The following TAF3 variants were observed in gnomAD, a reference collection of about 807,000 sequenced individuals.
TAF3 encodes the protein transcription initiation factor TFIID subunit 3.
A neutral mutation model predicts 80.6 loss-of-function variants in TAF3; 7 were observed. That is an observed-to-expected ratio of 0.09 (90% confidence interval 0.05 to 0.16). The LOEUF (loss-of-function observed/expected upper bound fraction) is 0.16. Among genes scored for constraint, TAF3 ranks in the 10% least tolerant of loss-of-function variants. The pLI is 1.00. For synonymous variants in TAF3, 444 were observed against 446.1 expected, an observed-to-expected ratio of 1.00 and a Z score of 0.06; for missense variants, 921 against 1,140.2, an observed-to-expected ratio of 0.81 and a Z score of 2.77.
intron 2 of TAF3, among the ~76,000 whole-genome samples, chr10:7,961,436 G>A (rs372433356): frequency 1.3e-5 from 2 of 152,180 alleles, no homozygotes; most frequent in African/African-American, 4.8e-5. Context: ...CCTCATCCTC[G>A]TTGACCTCTT....
At chr10:7,990,241 G>T (rs573354080) in intron 4 of TAF3, among the ~76,000 whole-genome samples, 1 of 152,130 alleles carries the variant, frequency 6.6e-6, no homozygotes, top group Non-Finnish European at 1.5e-5. Flanking sequence ...ATGCCATTAG[G>T]GTTATTTGTT....
intron 2 of TAF3, among the ~76,000 whole-genome samples, chr10:7,826,849 A>AT (rs902453030): frequency 2.6e-5 from 4 of 151,468 alleles, no homozygotes; most frequent in East Asian, 1.9e-4. Context: ...AATCTGAAAT[A>AT]TTTTTTTTTC....
chr10:7,902,865 C>G (rs957008896), intron 2 of TAF3, among the ~76,000 whole-genome samples: 1 of 151,684 alleles, frequency 6.6e-6, no homozygotes, highest in African/African-American at 2.4e-5. Flanking sequence ...AGAATTGTCT[C>G]TCTTCCACTT....
At chr10:7,899,612 G>A (rs1837539475) in intron 2 of TAF3, among the ~76,000 whole-genome samples, 1 of 152,112 alleles carries the variant, frequency 6.6e-6, no homozygotes. Context: ...TCTGTGCTCA[G>A]GAAGCTTCCA....
intron 2 of TAF3, among the ~76,000 whole-genome samples, chr10:7,935,937 C>T (rs1837915315): frequency 1.3e-5 from 2 of 152,176 alleles, no homozygotes; most frequent in African/African-American, 2.4e-5. Context: ...GGAAGCCCTG[C>T]GTGGAGGAGT....
intron 2 of TAF3, among the ~76,000 whole-genome samples, chr10:7,842,167 TTTTTTTTTG>T (rs1564345324): frequency 1.9e-4 from 18 of 94,478 alleles, no homozygotes; most frequent in Non-Finnish European, 3.4e-4. Context: ...TTTTTTTGTT[TTTTTTTTTG>T]TTTTTTTTTT....
chr10:7,850,261 AGT>A (rs1837014344), intron 2 of TAF3, among the ~76,000 whole-genome samples: 1 of 152,222 alleles, frequency 6.6e-6, no homozygotes, highest in Admixed American at 6.5e-5. Context: ...TGCTTTCATG[AGT>A]GAGAAAATGC....
At chr10:7,978,362 C>G (rs1166498843) in intron 4 of TAF3, among the ~76,000 whole-genome samples, 1 of 152,088 alleles carries the variant, frequency 6.6e-6, no homozygotes, top group African/African-American at 2.4e-5. Flanking sequence ...ACGTGTAGTG[C>G]AAAGAAAAAG....
At chr10:8,012,881 A>G (rs1832068408) in intron 5 of TAF3, among the ~76,000 whole-genome samples, 1 of 152,232 alleles carries the variant, frequency 6.6e-6, no homozygotes, top group South Asian at 2.1e-4. Context: ...ACCGGATGCA[A>G]TAATGTGCTC....
intron 3 of TAF3, among the ~76,000 whole-genome samples, chr10:7,970,473 C>T (rs937284212): frequency 2.0e-5 from 3 of 152,168 alleles, no homozygotes; most frequent in Non-Finnish European, 2.9e-5. Flanking sequence ...CCTGTCTGCC[C>T]GAGGCCTGTG....
rs71505463 is a variant in TAF3 at position 7,838,908 on chromosome 10, GT to G, written c.409+14363del. On this transcript the variant is annotated intron_variant, in intron 2 of 6. Transcript: ENST00000344293. ...GGGAAGTTGTCTGGAGGCATTGCTT[GT>G]TTTTTTTTTTTTTTGGTTTGTTTGT... Among the ~76,000 whole-genome samples, 169 of 101,814 alleles carry G rather than the reference GT, an allele frequency of 1.7e-3. 2 individuals carry two copies. The highest frequency in any genetic ancestry group is 2.1e-3 in the Non-Finnish European group (110 of 51,848). 66.8% of individuals were successfully genotyped at this position (101,814 alleles called of 152,430 possible). A position where few individuals can be genotyped will look rare whatever the true frequency, so the allele number is the denominator to read the frequency against.
chr10:7,986,556 A>G (rs1231968286), intron 4 of TAF3, among the ~76,000 whole-genome samples: 3 of 152,178 alleles, frequency 2.0e-5, no homozygotes, highest in African/African-American at 7.2e-5. Context: ...ATGTCTTCTT[A>G]GCTCCAAAAG....
intron 3 of TAF3, among the ~76,000 whole-genome samples, chr10:7,973,249 A>G (rs1196044075): frequency 1.3e-5 from 2 of 152,354 alleles, no homozygotes; most frequent in East Asian, 3.9e-4. Context: ...TGGGCCAAAC[A>G]CACAACTCAA....
At chr10:7,995,358 G>T (rs541880607) in intron 4 of TAF3, among the ~76,000 whole-genome samples, 1 of 152,166 alleles carries the variant, frequency 6.6e-6, no homozygotes, top group African/African-American at 2.4e-5. Context: ...AGTGGAAGCT[G>T]TATAACAAAA....
intron 2 of TAF3, among the ~76,000 whole-genome samples, chr10:7,909,213 C>T (rs149470211): frequency 6.6e-6 from 1 of 152,348 alleles, no homozygotes; most frequent in African/African-American, 2.4e-5. Context: ...CCATTCTAGG[C>T]TTACTGGATC....
intron 2 of TAF3, chr10:7,833,661 G>C (rs1045132640): frequency 1.7e-5 from 3 of 177,734 alleles, no homozygotes; most frequent in Admixed American, 6.2e-5. Flanking sequence ...GTCTCTTTTT[G>C]TCCATATGTG....
intron 2 of TAF3, among the ~76,000 whole-genome samples, chr10:7,944,731 G>A (rs555983260): frequency 1.8e-4 from 27 of 152,170 alleles, no homozygotes; most frequent in Non-Finnish European, 3.7e-4. Context: ...CCAGGGTATA[G>A]AAGAATTAGA....
At chr10:7,981,745 A>AGAAT (rs144922604) in intron 4 of TAF3, among the ~76,000 whole-genome samples, 2,296 of 152,308 alleles carry the variant, frequency 0.015, 61 homozygotes, top group African/African-American at 0.052. Flanking sequence ...AAAGGTGCTG[A>AGAAT]GAATGTGATG....
At chr10:7,915,615 C>A (rs187779171) in intron 2 of TAF3, among the ~76,000 whole-genome samples, 1,492 of 145,858 alleles carry the variant, frequency 0.01, 27 homozygotes, top group African/African-American at 0.036. Context: ...TGCACTCCAG[C>A]CTGGGCGACA....
Sources: allele counts gnomAD v4.1 joint callset (sites outside exome capture counted in the v4.1 genomes callset), GRCh38; gene constraint gnomAD v4.1.1; transcripts MANE v1.5; gene names NCBI Gene and HGNC (gene_info 2026-07-23, HGNC 2026-07-21).